Variants in CPNE4 observed in about 807,000 individuals in gnomAD.
CPNE4 encodes the protein copine-4.
In CPNE4, 25 loss-of-function variants were observed where a neutral mutation model predicts 67.9. The observed-to-expected ratio is 0.37, with a 90% CI of 0.27 to 0.51. The LOEUF is 0.51. Ranked by LOEUF, CPNE4 falls within the 20% of genes least tolerant of loss-of-function variation. The pLI, the probability that CPNE4 is intolerant of heterozygous loss-of-function variation, is 0.93. For missense variants in CPNE4, 464 were observed against 690.8 expected (o/e 0.67, Z 3.68); for synonymous variants, 242 against 244.9 (o/e 0.99, Z 0.11).
At chr3:131,927,414 T>A (rs574304866) in intron 1 of CPNE4, among the ~76,000 whole-genome samples, 1 of 140,354 alleles carries the variant, frequency 7.1e-6, no homozygotes, top group Non-Finnish European at 1.6e-5. Context: ...TCTCCATGTT[T>A]CTTTCCTTCC....
intron 1 of CPNE4, among the ~76,000 whole-genome samples, chr3:131,920,489 T>G (rs764068149): frequency 2.6e-5 from 4 of 152,182 alleles, no homozygotes; most frequent in Non-Finnish European, 4.4e-5. Context: ...GATCAAGGAC[T>G]GTTTGACAAA....
At chr3:131,693,966 C>G (rs776066252) in intron 5 of CPNE4, among the ~76,000 whole-genome samples, 7 of 152,090 alleles carry the variant, frequency 4.6e-5, no homozygotes, top group East Asian at 1.9e-4. Flanking sequence ...CATCTCTAAA[C>G]TTTAAAATTT....
chr3:131,902,109 A>G (rs1007054304), intron 2 of CPNE4, among the ~76,000 whole-genome samples: 18 of 151,944 alleles, frequency 1.2e-4, no homozygotes, highest in Admixed American at 1.1e-3. Context: ...TCCTTACTGT[A>G]TATTGTTAAG....
chr3:131,969,479 T>C (rs2072446330), intron 1 of CPNE4, among the ~76,000 whole-genome samples: 1 of 152,198 alleles, frequency 6.6e-6, no homozygotes, highest in Non-Finnish European at 1.5e-5. Context: ...GTAGGCTCTT[T>C]AAGTATATGT....
At chr3:131,747,118 G>GGTT (rs1560230371) in intron 2 of CPNE4, among the ~76,000 whole-genome samples, 1 of 142,822 alleles carries the variant, frequency 7.0e-6, no homozygotes. Flanking sequence ...TTAAAATCAT[G>GGTT]TTTTTTTTTT....
intron 7 of CPNE4, among the ~76,000 whole-genome samples, chr3:131,612,624 A>G (rs961076112): frequency 2.6e-5 from 4 of 152,090 alleles, no homozygotes; most frequent in African/African-American, 7.2e-5. Flanking sequence ...GGGCACAGGC[A>G]TTATCATTCA....
At chr3:131,909,569 C>T (rs1300285173) in intron 1 of CPNE4, among the ~76,000 whole-genome samples, 1 of 152,030 alleles carries the variant, frequency 6.6e-6, no homozygotes, top group African/African-American at 2.4e-5. Flanking sequence ...CAATGGATTA[C>T]TGCAAAGAAA....
At chr3:131,702,353 G>T (rs75682726) in intron 3 of CPNE4, among the ~76,000 whole-genome samples, 3,875 of 152,298 alleles carry the variant, frequency 0.025, 115 homozygotes, top group African/African-American at 0.074. Flanking sequence ...AGAGTGGTAA[G>T]TAAAATCTGA....
chr3:131,936,432 G>A (rs1376412468), intron 1 of CPNE4, among the ~76,000 whole-genome samples: 1 of 152,046 alleles, frequency 6.6e-6, no homozygotes, highest in African/African-American at 2.4e-5. Flanking sequence ...GAGAGAAGAT[G>A]AGAAGACAGT....
chr3:131,632,969 C>G (rs1410726009), intron 7 of CPNE4, among the ~76,000 whole-genome samples: 1 of 152,132 alleles, frequency 6.6e-6, no homozygotes, highest in Non-Finnish European at 1.5e-5. Context: ...CCAGACCTTT[C>G]CCCTGAACTG....
chr3:131,731,438 C>A lies in CPNE4; in HGVS notation c.181-7813G>T, dbSNP rs1002972439. ...AGTACCTTCAAGCTGCTGGCTCCAT[C>A]CACACAGAGCATGAGCAAATCCTGC... On this transcript the variant is annotated intron_variant, in intron 2 of 15. Transcript: ENST00000429747. Among the ~76,000 whole-genome samples the A allele has an allele frequency of 8.5e-5, 13 of 152,312 alleles. 1 individual carries two copies. The highest frequency in any genetic ancestry group is 3.1e-4 in the African/African-American group (13 of 41,560).
chr3:131,831,773 G>A (rs990465562), intron 2 of CPNE4, among the ~76,000 whole-genome samples: 2 of 152,142 alleles, frequency 1.3e-5, no homozygotes, highest in African/African-American at 4.8e-5. Context: ...AGGGTGGTTA[G>A]TGCGGACTTT....
chr3:131,738,469 A>G (rs1003890266), intron 2 of CPNE4, among the ~76,000 whole-genome samples: 2 of 318 alleles, frequency 6.3e-3, no homozygotes, highest in Non-Finnish European at 0.01. Flanking sequence ...ATATAATCAG[A>G]AATACCCAGA....
At chr3:131,787,493 C>T (rs1185882532) in intron 2 of CPNE4, among the ~76,000 whole-genome samples, 5 of 152,246 alleles carry the variant, frequency 3.3e-5, no homozygotes, top group African/African-American at 1.2e-4. Context: ...TGACTGGATG[C>T]CCCGCAAAGG....
At chr3:131,631,864 C>T (rs2079229890) in intron 7 of CPNE4, among the ~76,000 whole-genome samples, 1 of 151,190 alleles carries the variant, frequency 6.6e-6, no homozygotes. Context: ...AGGTGCTTTA[C>T]ACGTAATTAT....
chr3:131,622,770 G>T (rs1582908229), intron 7 of CPNE4, among the ~76,000 whole-genome samples: 1 of 152,178 alleles, frequency 6.6e-6, no homozygotes, highest in African/African-American at 2.4e-5. Flanking sequence ...GGTCAAAAAT[G>T]GTTGTCCTCT....
At chr3:131,797,985 G>A (rs1157732555) in intron 2 of CPNE4, among the ~76,000 whole-genome samples, 1 of 152,178 alleles carries the variant, frequency 6.6e-6, no homozygotes, top group Non-Finnish European at 1.5e-5. Flanking sequence ...CTGGTTTGCA[G>A]ACAACTGCTC....
chr3:131,599,251 A>G (rs1939070024), intron 7 of CPNE4, among the ~76,000 whole-genome samples: 1 of 152,232 alleles, frequency 6.6e-6, no homozygotes, highest in Non-Finnish European at 1.5e-5. Flanking sequence ...TACCAAATAT[A>G]TATCTCAGCT....
intron 3 of CPNE4, among the ~76,000 whole-genome samples, chr3:131,706,951 T>C (rs764234979): frequency 6.6e-6 from 1 of 152,202 alleles, no homozygotes; most frequent in Non-Finnish European, 1.5e-5. Flanking sequence ...CTTACATGTA[T>C]TGATTAATGT....
Sources: gnomAD v4.1 joint callset for allele counts (sites outside exome capture counted in the v4.1 genomes callset) on GRCh38, gnomAD v4.1.1 for gene constraint, MANE v1.5 for transcripts, NCBI Gene and HGNC (gene_info 2026-07-23, HGNC 2026-07-21) for gene names.